The following LCORL variants were observed in gnomAD, a reference collection of about 807,000 sequenced individuals.
LCORL encodes the protein ligand dependent nuclear receptor corepressor like, also known as ligand-dependent nuclear receptor corepressor-like protein.
Under a neutral mutation model 141.8 loss-of-function variants are expected in LCORL, and 41 were observed. The ratio of observed to expected loss-of-function variants is 0.29; its 90% CI spans 0.23 to 0.38. The LOEUF (loss-of-function observed/expected upper bound fraction) is 0.38, where lower values mean the gene tolerates loss of function less well. Ranked by LOEUF, LCORL falls within the 10% of genes least tolerant of loss-of-function variation. The pLI is 1.00. For missense variants in LCORL, 1,759 were observed against 2,035.0 expected (o/e 0.86, Z 2.61); for synonymous variants, 618 against 694.1 (o/e 0.89, Z 1.72).
intron 4 of LCORL, among the ~76,000 whole-genome samples, chr4:17,955,054 A>C (rs181036608): frequency 2.8e-4 from 43 of 152,330 alleles, no homozygotes; most frequent in African/African-American, 1.0e-3. Flanking sequence ...TGAGGTTATC[A>C]AGTGAGTGAA....
intron 4 of LCORL, among the ~76,000 whole-genome samples, chr4:17,913,699 G>A (rs928982023): frequency 6.6e-6 from 1 of 152,214 alleles, no homozygotes; most frequent in African/African-American, 2.4e-5. Flanking sequence ...AATATGGCAA[G>A]AGTTATGATG....
chr4:18,013,612 C>T (rs1724144718), intron 1 of LCORL, among the ~76,000 whole-genome samples: 2 of 152,144 alleles, frequency 1.3e-5, no homozygotes, highest in Non-Finnish European at 2.9e-5. Context: ...CCATTAAGTC[C>T]TTTCTACCAC....
intron 6 of LCORL, chr4:17,883,263 TAC>T: frequency 1.0e-6 from 1 of 986,556 alleles, no homozygotes; most frequent in Non-Finnish European, 1.2e-6. Flanking sequence ...TTGCTTGACA[TAC>T]ATACAACAAG....
At position 17,964,214 on chromosome 4, in the gene LCORL, G is replaced by A. The variant is rs553435571; in HGVS notation, c.221-1165C>T. On this transcript the variant is annotated intron_variant, in intron 2 of 7. Transcript: ENST00000635767. ...GAGCAGGGAATGGAAATTAAGATGC[G>A]GTGTAGGGTAATGGAAAGATAACTA... Among the ~76,000 whole-genome samples the A allele has an allele frequency of 2.8e-4, 42 of 152,106 alleles. No homozygotes were observed. The South Asian group carries it at 6.0e-3, about 22-fold the overall frequency.
chr4:17,906,086 CTTTG>C (rs1327424296), intron 5 of LCORL, among the ~76,000 whole-genome samples: 2 of 152,110 alleles, frequency 1.3e-5, no homozygotes, highest in African/African-American at 4.8e-5. Flanking sequence ...TTTATAACAA[CTTTG>C]TTTAAATCCT....
intron 5 of LCORL, among the ~76,000 whole-genome samples, chr4:17,901,503 T>C (rs1730876604): frequency 6.6e-6 from 1 of 152,000 alleles, no homozygotes; most frequent in African/African-American, 2.4e-5. Context: ...AAAGAGATGA[T>C]AATCATGTAT....
chr4:18,003,585 C>T (rs1332450635), intron 1 of LCORL, among the ~76,000 whole-genome samples: 2 of 152,000 alleles, frequency 1.3e-5, no homozygotes, highest in African/African-American at 2.4e-5. Context: ...GCAAAATATC[C>T]TAATATTAGA....
chr4:17,975,247 C>A (rs1716722169), intron 1 of LCORL, among the ~76,000 whole-genome samples: 1 of 152,148 alleles, frequency 6.6e-6, no homozygotes, highest in Non-Finnish European at 1.5e-5. Flanking sequence ...ATAGCTCTAT[C>A]CCATAAACTG....
exon 7 of LCORL, chr4:17,875,608 T>C (rs909656671): frequency 8.1e-7 from 1 of 1,230,294 alleles, no homozygotes; most frequent in Non-Finnish European, 1.0e-6. Context: ...ACTTCTGATA[T>C]GAGACATTCT....
At chr4:17,964,765 G>A (rs953530702) in intron 2 of LCORL, among the ~76,000 whole-genome samples, 14 of 152,000 alleles carry the variant, frequency 9.2e-5, no homozygotes, top group Non-Finnish European at 1.3e-4. Flanking sequence ...ACCCATAAGC[G>A]TGCAAAAGAT....
chr4:17,966,461 G>A (rs1471787400), intron 2 of LCORL, among the ~76,000 whole-genome samples: 4 of 152,088 alleles, frequency 2.6e-5, no homozygotes, highest in African/African-American at 9.7e-5. Flanking sequence ...CACAAGGTAA[G>A]ATAGATAACC....
At chr4:17,859,337 G>C (rs921118208) in intron 7 of LCORL, among the ~76,000 whole-genome samples, 13 of 152,148 alleles carry the variant, frequency 8.5e-5, no homozygotes, top group African/African-American at 3.1e-4. Context: ...GGTTTATTGG[G>C]AAGCAGCCCC....
chr4:17,936,581 T>C (rs1736899826), intron 4 of LCORL, among the ~76,000 whole-genome samples: 1 of 152,186 alleles, frequency 6.6e-6, no homozygotes, highest in Admixed American at 6.5e-5. Flanking sequence ...GAAGAAAAAG[T>C]TCAGATAGCA....
At chr4:17,918,700 AGAGCCTCAGAGACCTGTGG>A (rs1369504379) in intron 4 of LCORL, among the ~76,000 whole-genome samples, 7 of 152,350 alleles carry the variant, frequency 4.6e-5, no homozygotes, top group Admixed American at 6.5e-5. Flanking sequence ...GTAGGTGAAC[AGAGCCTCAGAGACCTGTGG>A]GACACCAATC....
chr4:17,868,316 T>C (rs969560945), intron 7 of LCORL, among the ~76,000 whole-genome samples: 1 of 152,140 alleles, frequency 6.6e-6, no homozygotes, highest in African/African-American at 2.4e-5. Context: ...TGACAAACTT[T>C]TTTTTTTCAG....
intron 7 of LCORL, among the ~76,000 whole-genome samples, chr4:17,846,736 C>T (rs1426543432): frequency 6.6e-6 from 1 of 152,186 alleles, no homozygotes; most frequent in Non-Finnish European, 1.5e-5. Context: ...ACAGTCCTGT[C>T]TGTTCCTAAA....
At chr4:18,019,669 A>G (rs1725174513) in intron 1 of LCORL, among the ~76,000 whole-genome samples, 1 of 147,182 alleles carries the variant, frequency 6.8e-6, no homozygotes, top group Non-Finnish European at 1.5e-5. Flanking sequence ...TAATGTATCT[A>G]AATAAGCAAG....
intron 6 of LCORL, chr4:17,883,251 G>A: frequency 1.3e-5 from 13 of 985,238 alleles, no homozygotes; most frequent in Non-Finnish European, 1.6e-5. Flanking sequence ...AACTTTGATT[G>A]GTTGCTTGAC....
At chr4:17,894,843 C>T (rs1439686165) in intron 5 of LCORL, among the ~76,000 whole-genome samples, 1 of 151,998 alleles carries the variant, frequency 6.6e-6, no homozygotes, top group Non-Finnish European at 1.5e-5. Flanking sequence ...TGTTTAGATC[C>T]GTGTTCAACA....
Sources: gnomAD v4.1 joint callset for allele counts (sites outside exome capture counted in the v4.1 genomes callset) on GRCh38, gnomAD v4.1.1 for gene constraint, MANE v1.5 for transcripts, NCBI Gene and HGNC (gene_info 2026-07-23, HGNC 2026-07-21) for gene names.